SRGAP1: variants seen among roughly 807,000 people sequenced by gnomAD.
SRGAP1 encodes SLIT-ROBO Rho GTPase-activating protein 1.
SRGAP1 carries 43 observed loss-of-function variants against 121.9 expected under a neutral mutation model. The observed-to-expected ratio is 0.35, with a 90% CI of 0.28 to 0.46. The LOEUF (loss-of-function observed/expected upper bound fraction) is 0.46, where lower values mean the gene tolerates loss of function less well. Among genes scored for constraint, SRGAP1 ranks in the 20% least tolerant of loss-of-function variants. The probability of loss-of-function intolerance (pLI) is 1.00; values close to 1 mark genes in which losing one functional copy is unlikely to be tolerated. For synonymous variants in SRGAP1, 447 were observed against 485.4 expected, an observed-to-expected ratio of 0.92 and a Z score of 1.04; for missense variants, 1,102 against 1,350.9, an observed-to-expected ratio of 0.82 and a Z score of 2.89.
chr12:64,066,711 G>A (rs1487152852), intron 8 of SRGAP1, among the ~76,000 whole-genome samples: 1 of 152,158 alleles, frequency 6.6e-6, no homozygotes, highest in Non-Finnish European at 1.5e-5. Context: ...TATTTAAGAT[G>A]CAACCAATGT....
At chr12:64,064,807 A>T (rs979330411) in intron 7 of SRGAP1, among the ~76,000 whole-genome samples, 3 of 152,204 alleles carry the variant, frequency 2.0e-5, no homozygotes, top group Non-Finnish European at 4.4e-5. Flanking sequence ...CAAAAGAGTC[A>T]TTAAGAATTC....
rs747570449 is a variant in SRGAP1, at chr12:63,844,825, C to A, written c.9C>A (p.Thr3=). The part of the protein sequence containing the change: MS[T]PSRFKKDKEI... ...CCCGGAACAGCTGGATAATGTCCAC[C>A]CCGAGCCGATTCAAGAAGGACAAAG... Residue 3 remains threonine, a synonymous_variant, in exon 1 of 22, where the codon ACC becomes ACA. Coordinates refer to ENST00000355086, the MANE Select transcript of SRGAP1 (RefSeq NM_020762.4). The surrounding 1 kb of genome is among the most constrained non-coding windows in gnomAD (Gnocchi z 4.3). The A allele has an allele frequency of 1.2e-6, 2 of 1,614,012 alleles. No homozygotes were observed. Among genetic ancestry groups the A allele is most frequent in the Non-Finnish European group, 1.7e-6 (2 of 1,180,030 alleles).
intron 21 of SRGAP1, among the ~76,000 whole-genome samples, chr12:64,139,735 C>G (rs1389889886): frequency 6.6e-6 from 1 of 151,522 alleles, no homozygotes; most frequent in Non-Finnish European, 1.5e-5. Context: ...TGCAGAAGCT[C>G]TTTAGTTTAA....
chr12:63,859,198 G>A (rs1169911962), intron 1 of SRGAP1, among the ~76,000 whole-genome samples: 3 of 151,828 alleles, frequency 2.0e-5, no homozygotes, highest in Admixed American at 2.0e-4. Flanking sequence ...TTGAGACGAG[G>A]TCTTACTCTG....
chr12:63,995,924 A>G (rs2033686021), intron 3 of SRGAP1, among the ~76,000 whole-genome samples: 1 of 152,168 alleles, frequency 6.6e-6, no homozygotes, highest in South Asian at 2.1e-4. Flanking sequence ...GTAGTTTCAA[A>G]TACACCATTT....
chr12:63,914,188 A>G (rs2030678404), intron 1 of SRGAP1, among the ~76,000 whole-genome samples: 1 of 151,974 alleles, frequency 6.6e-6, no homozygotes. Flanking sequence ...ACTTATCATT[A>G]TCATACTGTA....
chr12:63,876,977 A>G (rs1486445720), intron 1 of SRGAP1, among the ~76,000 whole-genome samples: 1 of 152,200 alleles, frequency 6.6e-6, no homozygotes, highest in Non-Finnish European at 1.5e-5. Context: ...TAATCCCAGC[A>G]CTTTTGGAGG....
Position 63,983,952 on chromosome 12 carries a change from C to T in SRGAP1, c.73C>T (p.Arg25Ter). The T allele has an allele frequency of 1.3e-6, 2 of 1,486,070 alleles. No individual in the cohort carries two copies. Among genetic ancestry groups the T allele is most frequent in the Non-Finnish European group, 1.8e-6 (2 of 1,105,840 alleles). 92.1% of individuals were successfully genotyped at this position (1,486,070 alleles called of 1,614,324 possible). Residue 25 changes from arginine to a stop codon, truncating the protein, a stop_gained, in exon 2 of 22, where the codon CGA (arginine) becomes TGA (stop). Transcript: ENST00000355086. LOFTEE classifies it high-confidence loss of function. ...GGCTTCTCTTCTCTCCTTAGAAATT[C>T]GAGCTCAACTGGTAGAACAACAAAA... The part of the protein sequence containing the change: ...AEYESQVKEI[R>*]AQLVEQQKCL...
chr12:63,907,010 C>T (rs1013573940), intron 1 of SRGAP1, among the ~76,000 whole-genome samples: 2 of 151,998 alleles, frequency 1.3e-5, no homozygotes, highest in Non-Finnish European at 2.9e-5. Flanking sequence ...AATTGTGCCT[C>T]GTTTTGTGTT....
chr12:63,996,093 C>T (rs1477410393), intron 3 of SRGAP1, among the ~76,000 whole-genome samples: 4 of 151,086 alleles, frequency 2.6e-5, no homozygotes, highest in Non-Finnish European at 5.9e-5. Flanking sequence ...AAAAAAGAAC[C>T]TATTTCTCTT....
intron 1 of SRGAP1, among the ~76,000 whole-genome samples, chr12:63,935,774 G>C (rs1436826915): frequency 6.6e-6 from 1 of 152,180 alleles, no homozygotes; most frequent in Non-Finnish European, 1.5e-5. Flanking sequence ...AAATAGAGCA[G>C]ATTAAAGTTT....
At chr12:64,034,668 C>T (rs60043467) in intron 4 of SRGAP1, among the ~76,000 whole-genome samples, 3,637 of 152,160 alleles carry the variant, frequency 0.024, 139 homozygotes, top group African/African-American at 0.082. Context: ...CATTTTATCC[C>T]CCCCACCACC....
chr12:64,079,325 G>A (rs111688220), intron 9 of SRGAP1, among the ~76,000 whole-genome samples: 1 of 152,074 alleles, frequency 6.6e-6, no homozygotes, highest in African/African-American at 2.4e-5. Flanking sequence ...TTAGTTAGAG[G>A]ACTGGTATAA....
Position 64,149,349 on chromosome 12 carries a change from A to T in SRGAP1, c.*6677A>T, listed in dbSNP as rs1270589151. On this transcript the variant is annotated 3_prime_UTR_variant, in exon 22 of 22. Transcript: ENST00000355086. The stretch of plus-strand genomic sequence containing the variant: ...TGACACTGAAACTAGTTGAAGCTTT[A>T]CTTGATGCTTATCAAGTCATGTTCT... 2.0e-5 allele frequency: 3 copies of T among 152,206 alleles called. No individual in the cohort carries two copies. The highest frequency in any genetic ancestry group is 2.9e-5 in the Non-Finnish European group (2 of 68,042). 9.4% of individuals were successfully genotyped at this position (152,206 alleles called of 1,614,324 possible).
intron 1 of SRGAP1, among the ~76,000 whole-genome samples, chr12:63,892,537 G>A (rs1900621269): frequency 6.6e-6 from 1 of 152,170 alleles, no homozygotes; most frequent in South Asian, 2.1e-4. Context: ...CAGAATAAAA[G>A]TGGTCTTTTT....
chr12:64,120,470 T>A (rs543632798), intron 18 of SRGAP1: 2 of 152,216 alleles, frequency 1.3e-5, no homozygotes, highest in South Asian at 4.2e-4. Flanking sequence ...CTCAGATGAT[T>A]TGTGTCAAGG....
At position 64,063,167 on chromosome 12, in the gene SRGAP1, G is replaced by A. The variant is rs11829649; in HGVS notation, c.1023+29G>A. ...AGTAATTGATCATTTTTAAAATAAT[G>A]AATTGTCTCTTCACTTATATTTCTC... On this transcript the variant is annotated intron_variant, in intron 7 of 21. Coordinates refer to ENST00000355086, the MANE Select transcript of SRGAP1 (RefSeq NM_020762.4). 584 of 1,552,532 alleles carry A rather than the reference G, an allele frequency of 3.8e-4. 1 individual carries two copies. In the African/African-American group the frequency reaches 6.2e-3, roughly 16 times the overall value.
chr12:63,937,760 C>T (rs1169081904), intron 1 of SRGAP1, among the ~76,000 whole-genome samples: 1 of 152,186 alleles, frequency 6.6e-6, no homozygotes, highest in African/African-American at 2.4e-5. Context: ...AACTGCTGTC[C>T]CTCACTAATA....
intron 11 of SRGAP1, among the ~76,000 whole-genome samples, chr12:64,088,134 C>G (rs192964596): frequency 2.6e-5 from 4 of 152,266 alleles, no homozygotes. Flanking sequence ...AATGTTATTG[C>G]TGGGCAGCTT....
Sources: gnomAD v4.1 joint callset for allele counts (sites outside exome capture counted in the v4.1 genomes callset) on GRCh38, gnomAD v4.1.1 for gene constraint, Gnocchi (gnomAD v3.1) non-coding constraint, MANE v1.5 for transcripts, NCBI Gene and HGNC (gene_info 2026-07-23, HGNC 2026-07-21) for gene names.